SLC22A16: variants seen among roughly 807,000 people sequenced by gnomAD.
SLC22A16 encodes the protein WUGSC:RG331P03.1.
In SLC22A16, 53 loss-of-function variants were observed where a neutral mutation model predicts 52.9. The ratio of observed to expected loss-of-function variants is 1.00; its 90% CI spans 0.80 to 1.26. SLC22A16 has a LOEUF of 1.26. SLC22A16 is among the 50% of genes most tolerant of loss of function. The pLI is 0.00. For synonymous variants in SLC22A16, 291 were observed against 268.8 expected (o/e 1.08, Z -0.81); for missense variants, 726 against 704.0 (o/e 1.03, Z -0.35).
intron 6 of SLC22A16, among the ~76,000 whole-genome samples, chr6:110,434,985 GA>G (rs200092524): frequency 4.7e-5 from 7 of 150,492 alleles, no homozygotes; most frequent in East Asian, 2.0e-4. Context: ...CTCGAAAAAA[GA>G]AAAAAAAATC....
At chr6:110,471,255 G>T (rs35955751) in intron 1 of SLC22A16, among the ~76,000 whole-genome samples, 25,838 of 152,060 alleles carry the variant, frequency 0.17, 2,856 homozygotes, top group African/African-American at 0.31. Flanking sequence ...AACATGCTGT[G>T]CAGGTTTGTA....
At chr6:110,470,910 A>G (rs1271076404) in intron 1 of SLC22A16, among the ~76,000 whole-genome samples, 1 of 152,220 alleles carries the variant, frequency 6.6e-6, no homozygotes, top group East Asian at 1.9e-4. Flanking sequence ...ACAAGGTTTG[A>G]CATTCAAAAT....
intron 7 of SLC22A16, 59 bp downstream of exon 7, chr6:110,431,112 T>A (rs908250166): frequency 3.0e-6 from 4 of 1,346,740 alleles, no homozygotes; most frequent in Non-Finnish European, 4.3e-6. Context: ...AAGTTGCTAA[T>A]AGGCAATTAG....
At chr6:110,465,233 G>C (rs1776021825) in intron 1 of SLC22A16, among the ~76,000 whole-genome samples, 1 of 151,840 alleles carries the variant, frequency 6.6e-6, no homozygotes, top group African/African-American at 2.4e-5. Flanking sequence ...TTCAGAACTA[G>C]AACAAGACAA....
chr6:110,425,522 C>A (rs1774226288), intron 7 of SLC22A16: 1 of 603,456 alleles, frequency 1.7e-6, no homozygotes, highest in African/African-American at 2.0e-5. Context: ...CCCCAATAAT[C>A]AGTACACTAT....
chr6:110,430,972 A>T (rs528694936), intron 7 of SLC22A16, among the ~76,000 whole-genome samples, 199 bp downstream of exon 7: 83 of 152,328 alleles, frequency 5.4e-4, no homozygotes, highest in Non-Finnish European at 1.0e-3. Context: ...GCAGTGGTGG[A>T]AGGCCACCAA....
chr6:110,463,399 T>C (rs1024790283), intron 1 of SLC22A16, among the ~76,000 whole-genome samples: 1 of 148,050 alleles, frequency 6.8e-6, no homozygotes, highest in Non-Finnish European at 1.5e-5. Context: ...TATGTAAAGA[T>C]ACCCATAGCC....
chr6:110,428,246 AT>A lies in SLC22A16; in HGVS notation c.1521+2924del, dbSNP rs376420264. ...ATAAACAAGTTTAATGGGAAATCTGATTTTTTTTTTGACTCATTACAAACAA... is the reference window on the plus strand; with the variant it reads ...ATAAACAAGTTTAATGGGAAATCTGATTTTTTTTTGACTCATTACAAACAA... On this transcript the variant is annotated intron_variant, in intron 7 of 7. Coordinates refer to ENST00000368919, the MANE Select transcript of SLC22A16 (RefSeq NM_033125.4). Among the ~76,000 whole-genome samples the A allele has an allele frequency of 9.6e-4, 144 of 150,240 alleles. No homozygotes were observed. In the East Asian group the frequency reaches 0.012, roughly 13 times the overall value.
intron 1 of SLC22A16, among the ~76,000 whole-genome samples, chr6:110,464,243 C>T (rs1775988776): frequency 6.6e-6 from 1 of 151,804 alleles, no homozygotes; most frequent in Non-Finnish European, 1.5e-5. Context: ...ACTAGAAAAT[C>T]AAGAACAAAC....
In SLC22A16 at chr6:110,464,662, CA is replaced by C. The variant is rs546892741; in HGVS notation, c.54-7646del. Among the ~76,000 whole-genome samples the C allele has an allele frequency of 4.8e-4, 73 of 151,730 alleles. 1 individual carries two copies. The South Asian group carries it at 0.015, about 30-fold the overall frequency. ...TAACAAAAAAATGTAACAACTACAA[CA>C]AAAAAAGAACCCAGGACCAGACGGA... On this transcript the variant is annotated intron_variant, in intron 1 of 7. Coordinates refer to ENST00000368919, the MANE Select transcript of SLC22A16 (RefSeq NM_033125.4).
At chr6:110,452,115 T>C (rs1427918581) in intron 2 of SLC22A16, among the ~76,000 whole-genome samples, 1 of 152,212 alleles carries the variant, frequency 6.6e-6, no homozygotes, top group Non-Finnish European at 1.5e-5. Flanking sequence ...CTCAATCTGT[T>C]TGTCTAGTGA....
chr6:110,474,586 A>G lies in SLC22A16; in HGVS notation c.53+1936T>C, dbSNP rs182699412. Among the ~76,000 whole-genome samples, 12 of 152,342 alleles carry G rather than the reference A, an allele frequency of 7.9e-5. No individual in the cohort carries two copies. The East Asian group carries it at 2.3e-3, about 29-fold the overall frequency. Reference sequence around the variant, plus strand: ...TGATAATAGCCATGACTTATTGAGAACTTACTGAATAATAAGACTTTTGCA... The same window carrying G: ...TGATAATAGCCATGACTTATTGAGAGCTTACTGAATAATAAGACTTTTGCA... On this transcript the variant is annotated intron_variant, in intron 1 of 7. Transcript: ENST00000368919.
intron 1 of SLC22A16, among the ~76,000 whole-genome samples, chr6:110,467,135 C>T (rs1293180769): frequency 2.0e-5 from 3 of 152,118 alleles, no homozygotes; most frequent in Admixed American, 6.5e-5. Context: ...AGAATTCTCA[C>T]ATTTTGAGAC....
intron 7 of SLC22A16, among the ~76,000 whole-genome samples, chr6:110,427,266 A>AAAAG (rs1279385338): frequency 3.6e-5 from 5 of 137,948 alleles, no homozygotes; most frequent in African/African-American, 1.4e-4. Flanking sequence ...AAAAAAAAAG[A>AAAAG]AAAAAAAGAA....
chr6:110,452,919 A>C (rs917041135), intron 2 of SLC22A16, among the ~76,000 whole-genome samples: 4 of 152,180 alleles, frequency 2.6e-5, no homozygotes, highest in Non-Finnish European at 5.9e-5. Context: ...TATTAAGTAG[A>C]TTTCAGAACT....
chr6:110,468,181 T>C (rs1307657209), intron 1 of SLC22A16, among the ~76,000 whole-genome samples: 2 of 152,222 alleles, frequency 1.3e-5, no homozygotes, highest in East Asian at 3.8e-4. Flanking sequence ...GGGAAGTAAG[T>C]AGTGTTCTTC....
At chr6:110,475,907 G>T (rs1370829113) in intron 1 of SLC22A16, 1 of 456,644 alleles carries the variant, frequency 2.2e-6, no homozygotes, top group Non-Finnish European at 4.4e-6. Flanking sequence ...CCGCCAGCTT[G>T]TTTCCCAATC....
At position 110,442,328 on chromosome 6, in the gene SLC22A16, AC is replaced by A; in HGVS notation, c.1098del (p.Trp366CysfsTer13). On this transcript the variant is annotated frameshift_variant, in exon 4 of 8. Coordinates refer to ENST00000368919, the MANE Select transcript of SLC22A16 (RefSeq NM_033125.4). LOFTEE classifies it high-confidence loss of function. ...GAGTAGAATCCCAAACTTCCAGTGA[AC>A]CAGATTAGCCAAACGGTAAGTGTCC... ...TKRTLTVWLI[W>X]FTGSLGFYSF... The A allele has an allele frequency of 6.2e-7, 1 of 1,614,222 alleles. No individual in the cohort carries two copies. Among genetic ancestry groups the A allele is most frequent in the South Asian group, 1.1e-5 (1 of 91,084 alleles).
intron 1 of SLC22A16, among the ~76,000 whole-genome samples, chr6:110,473,994 C>A (rs1776369408): frequency 6.6e-6 from 1 of 152,130 alleles, no homozygotes; most frequent in Non-Finnish European, 1.5e-5. Flanking sequence ...AGGAGGTGAG[C>A]AGCGGCCAGC....
Sources: allele counts gnomAD v4.1 joint callset (sites outside exome capture counted in the v4.1 genomes callset), GRCh38; gene constraint gnomAD v4.1.1; transcripts MANE v1.5; gene names NCBI Gene and HGNC (gene_info 2026-07-23, HGNC 2026-07-21).